The following POLE4 variants were observed in gnomAD, a reference collection of about 807,000 sequenced individuals.
POLE4 encodes the protein DNA polymerase epsilon subunit 4.
In POLE4, 15 loss-of-function variants were observed where a neutral mutation model predicts 15.6. That is an observed-to-expected ratio of 0.96 (90% CI 0.64 to 1.48). The LOEUF is 1.48. POLE4 is among the 40% of genes most tolerant of loss of function. POLE4 has a pLI of 0.00. For missense variants in POLE4, 205 were observed against 151.9 expected, an observed-to-expected ratio of 1.35 and a Z score of -1.84; for synonymous variants, 83 against 63.2, an observed-to-expected ratio of 1.31 and a Z score of -1.49.
In POLE4 at chr2:74,958,734, G is replaced by A. The variant is rs1052587831; in HGVS notation, c.55G>A (p.Ala19Thr). The A allele has an allele frequency of 1.3e-6, 2 of 1,528,766 alleles. No individual in the cohort carries two copies. Among genetic ancestry groups the A allele is most frequent in the Non-Finnish European group, 1.8e-6 (2 of 1,138,378 alleles). 94.7% of individuals were successfully genotyped at this position (1,528,766 alleles called of 1,614,324 possible). A position where few individuals can be genotyped will look rare whatever the true frequency, so the allele number is the denominator to read the frequency against. Reference sequence around the variant, plus strand: ...GACGCCCCGAGAGGAGGAGGGACCTGCTGGGGAGGCAGCGGCCTCGCAGCC... The same window carrying A: ...GACGCCCCGAGAGGAGGAGGGACCTACTGGGGAGGCAGCGGCCTCGCAGCC... The part of the protein sequence containing the change: ...SGTPREEEGP[A>T]GEAAASQPQA... Residue 19 changes from alanine to threonine, a missense_variant, in exon 1 of 4, where the codon GCT becomes ACT. By Grantham distance (58) the Ala-to-Thr change is moderately conservative. Coordinates refer to ENST00000483063, the MANE Select transcript of POLE4 (RefSeq NM_019896.4).
At chr2:74,960,561 A>T in intron 3 of POLE4, 1 of 501,100 alleles carries the variant, frequency 2.0e-6, no homozygotes, top group South Asian at 1.5e-5. Context: ...TTTTGCTGCA[A>T]TAAGACTTGT....
chr2:74,963,663 T>A (rs1671257364), intron 3 of POLE4, among the ~76,000 whole-genome samples: 1 of 151,996 alleles, frequency 6.6e-6, no homozygotes. Context: ...AATTTTGGCA[T>A]TTTTTTGGTA....
chr2:74,959,654 T>C (rs917551014), intron 2 of POLE4: 19 of 477,356 alleles, frequency 4.0e-5, no homozygotes, highest in Non-Finnish European at 7.5e-6. Flanking sequence ...ACTGGATCCC[T>C]TCATACCTTC....
intron 3 of POLE4, among the ~76,000 whole-genome samples, chr2:74,963,287 T>C (rs1277373962): frequency 6.6e-6 from 1 of 152,192 alleles, no homozygotes; most frequent in Non-Finnish European, 1.5e-5. Context: ...CCACACTTGG[T>C]ATTACCAGAG....
rs981593752 is a variant in POLE4, at chr2:74,966,719, C to T, written c.341-2690C>T. 3.3e-5 allele frequency among the ~76,000 whole-genome samples: 5 copies of T among 152,070 alleles called. No homozygotes were observed. The East Asian group carries it at 5.8e-4, about 18-fold the overall frequency. The stretch of plus-strand genomic sequence containing the variant: ...GTGCTTGGCCTCCTTTCTGTATTTC[C>T]GATCCTCCATTTGTGATCATTTTCT... On this transcript the variant is annotated intron_variant, in intron 3 of 3. Transcript: ENST00000483063.
chr2:74,964,456 T>A (rs1671269126), intron 3 of POLE4, among the ~76,000 whole-genome samples: 1 of 152,158 alleles, frequency 6.6e-6, no homozygotes, highest in African/African-American at 2.4e-5. Context: ...TTTATAAATA[T>A]GGTCTACTTT....
In POLE4 at chr2:74,958,732, C is replaced by A. The variant is rs1370824121; in HGVS notation, c.53C>A (p.Pro18His). 1 of 1,524,730 alleles carries A rather than the reference C, an allele frequency of 6.6e-7. No homozygotes were observed. The highest frequency in any genetic ancestry group is 8.8e-7 in the Non-Finnish European group (1 of 1,136,714). The allele number at this position is 1,524,730 out of a possible 1,614,324, so 94.5% of individuals were successfully genotyped here. ...GGGACGCCCCGAGAGGAGGAGGGAC[C>A]TGCTGGGGAGGCAGCGGCCTCGCAG... ...GSGTPREEEG[P>H]AGEAAASQPQ... Residue 18 changes from proline to histidine, a missense_variant, in exon 1 of 4, where the codon CCT becomes CAT. Pro to His is a moderately conservative substitution (Grantham distance 77). Coordinates refer to ENST00000483063, the MANE Select transcript of POLE4 (RefSeq NM_019896.4).
chr2:74,968,847 C>T (rs572787731), intron 3 of POLE4, among the ~76,000 whole-genome samples: 2 of 152,076 alleles, frequency 1.3e-5, no homozygotes, highest in South Asian at 4.2e-4. Flanking sequence ...CCCCTCTGTT[C>T]ATTCTAGGCT....
Position 74,970,063 on chromosome 2 carries a change from T to G in POLE4, c.*641T>G, listed in dbSNP as rs1319342786. Reference sequence around the variant, plus strand: ...GTGGTATTTAGTATATTCACAAATATGTACACCAGTCATCACAGTCGATTT... The same window carrying G: ...GTGGTATTTAGTATATTCACAAATAGGTACACCAGTCATCACAGTCGATTT... On this transcript the variant is annotated 3_prime_UTR_variant, in exon 4 of 4. Transcript: ENST00000483063. 6.6e-6 allele frequency: 1 copy of G among 152,258 alleles called. No individual in the cohort carries two copies. Among genetic ancestry groups the G allele is most frequent in the Admixed American group, 6.5e-5 (1 of 15,288 alleles). The allele number at this position is 152,258 out of a possible 1,614,324, so 9.4% of individuals were successfully genotyped here.
At chr2:74,960,267 C>CTAT in intron 3 of POLE4, 121 bp downstream of exon 3, 1 of 840,024 alleles carries the variant, frequency 1.2e-6, no homozygotes, top group South Asian at 1.5e-5. Flanking sequence ...TCCGCACTTG[C>CTAT]TATTAGGATA....
intron 3 of POLE4, among the ~76,000 whole-genome samples, chr2:74,964,050 A>G (rs1340623383): frequency 6.6e-6 from 1 of 150,580 alleles, no homozygotes; most frequent in Non-Finnish European, 1.5e-5. Context: ...ATTTTTGTGT[A>G]TTGGGTTGGG....
rs1030621677 is a variant in POLE4 at position 74,959,247 on chromosome 2, T to C, written c.214-94T>C. 19 of 752,674 alleles carry C rather than the reference T, an allele frequency of 2.5e-5. No individual in the cohort carries two copies. In the African/African-American group the frequency reaches 2.6e-4, roughly 10 times the overall value. The allele number at this position is 752,674 out of a possible 1,614,324, so 46.6% of individuals were successfully genotyped here. On this transcript the variant is annotated intron_variant, in intron 1 of 3. Coordinates refer to ENST00000483063, the MANE Select transcript of POLE4 (RefSeq NM_019896.4). ...AGAACATTTTCTTGCCCCGAGCCTT[T>C]CTTCTCCCTTTCTGCCCCCACCCAC...
chr2:74,962,382 T>G (rs1671233423), intron 3 of POLE4, among the ~76,000 whole-genome samples: 1 of 152,228 alleles, frequency 6.6e-6, no homozygotes, highest in African/African-American at 2.4e-5. Flanking sequence ...TTGTCAAAGC[T>G]AATAACATTT....
At chr2:74,963,595 C>G (rs1410379301) in intron 3 of POLE4, among the ~76,000 whole-genome samples, 2 of 152,098 alleles carry the variant, frequency 1.3e-5, no homozygotes, top group African/African-American at 4.8e-5. Context: ...CCCCCCCTCC[C>G]ACGTTCAAGA....
chr2:74,960,007 G>T, intron 2 of POLE4, 98 bp from the exon 3 acceptor site: 1 of 952,364 alleles, frequency 1.1e-6, no homozygotes, highest in Non-Finnish European at 1.7e-6. Flanking sequence ...GCCCTCATTT[G>T]CCCAAAGCCT....
At chr2:74,960,064 T>C in intron 2 of POLE4, 41 bp from the exon 3 acceptor site, 1 of 1,575,668 alleles carries the variant, frequency 6.3e-7, no homozygotes, top group Non-Finnish European at 8.7e-7. Flanking sequence ...GAGGTCAGCA[T>C]GGCTGAAGTT....
intron 3 of POLE4, among the ~76,000 whole-genome samples, chr2:74,967,399 C>CT (rs548782975): frequency 3.3e-3 from 471 of 144,372 alleles, no homozygotes; most frequent in Middle Eastern, 7.0e-3. Flanking sequence ...AATCTGTTGT[C>CT]TTTTTTTTTA....
chr2:74,969,473 C>T lies in POLE4; in HGVS notation c.*51C>T. The T allele has an allele frequency of 6.4e-7, 1 of 1,573,864 alleles. No individual in the cohort carries two copies. Among genetic ancestry groups the T allele is most frequent in the East Asian group, 2.2e-5 (1 of 44,660 alleles). ...CCTTCATCTGAAGCCTTCAGTTCACCCCTCTGCACAGGCCTCAGCTTTGAA... is the reference window on the plus strand; with the variant it reads ...CCTTCATCTGAAGCCTTCAGTTCACTCCTCTGCACAGGCCTCAGCTTTGAA... On this transcript the variant is annotated 3_prime_UTR_variant, in exon 4 of 4. Coordinates refer to ENST00000483063, the MANE Select transcript of POLE4 (RefSeq NM_019896.4).
Position 74,968,158 on chromosome 2 carries a change from A to G in POLE4, c.341-1251A>G, listed in dbSNP as rs1162063887. 2.6e-5 allele frequency among the ~76,000 whole-genome samples: 4 copies of G among 152,148 alleles called. No homozygotes were observed. The East Asian group carries it at 7.7e-4, about 29-fold the overall frequency. ...ATTTGCTTTTTCTTGATGTCTCTTC[A>G]ATTCCTGAAGATTTCCTTTTCTTAT... On this transcript the variant is annotated intron_variant, in intron 3 of 3. Coordinates refer to ENST00000483063, the MANE Select transcript of POLE4 (RefSeq NM_019896.4).
Sources: allele counts gnomAD v4.1 joint callset (sites outside exome capture counted in the v4.1 genomes callset), GRCh38; gene constraint gnomAD v4.1.1; transcripts MANE v1.5; gene names NCBI Gene and HGNC (gene_info 2026-07-23, HGNC 2026-07-21).